The following NRXN3 variants were observed in gnomAD, a reference collection of about 807,000 sequenced individuals.
The protein encoded by NRXN3 is neurexin 3.
NRXN3 carries 32 observed loss-of-function variants against 137.6 expected under a neutral mutation model. The observed-to-expected ratio is 0.23, with a 90% confidence interval of 0.18 to 0.31. NRXN3 has a LOEUF of 0.31. Ranked by LOEUF, NRXN3 falls within the 10% of genes least tolerant of loss-of-function variation. The pLI is 1.00. For missense variants in NRXN3, 1,574 were observed against 2,062.5 expected, an observed-to-expected ratio of 0.76 and a Z score of 4.59; for synonymous variants, 798 against 784.5, an observed-to-expected ratio of 1.02 and a Z score of -0.29.
chr14:78,943,659 T>A lies in NRXN3; in HGVS notation c.2276-13583T>A, dbSNP rs1363402440. Among the ~76,000 whole-genome samples, 39 of 76,668 alleles carry A rather than the reference T, an allele frequency of 5.1e-4. 4 individuals carry two copies. The highest frequency in any genetic ancestry group is 2.1e-3 in the African/African-American group (31 of 14,630). 50.3% of individuals were successfully genotyped at this position (76,668 alleles called of 152,430 possible). The stretch of plus-strand genomic sequence containing the variant: ...ATATATATATATATATATATATATA[T>A]ATATATATATATATATATATCTCAA... On this transcript the variant is annotated intron_variant, in intron 10 of 20. Coordinates refer to ENST00000335750, the MANE Select transcript of NRXN3 (RefSeq NM_001330195.2).
intron 11 of NRXN3, among the ~76,000 whole-genome samples, chr14:78,965,231 C>T (rs2099415179): frequency 6.6e-6 from 1 of 152,016 alleles, no homozygotes; most frequent in African/African-American, 2.4e-5. Context: ...AAGGGTGGTC[C>T]CTAAATCAGC....
At chr14:78,269,608 T>C (rs562511195) in intron 2 of NRXN3, among the ~76,000 whole-genome samples, 5 of 152,286 alleles carry the variant, frequency 3.3e-5, no homozygotes, top group Non-Finnish European at 5.9e-5. Flanking sequence ...GTTATGTGTA[T>C]TTTATCACAA....
chr14:78,958,548 C>A (rs371881471), intron 11 of NRXN3, among the ~76,000 whole-genome samples: 2 of 151,794 alleles, frequency 1.3e-5, no homozygotes, highest in Non-Finnish European at 1.5e-5. Flanking sequence ...GTAGAGATGG[C>A]GTTTCACCGT....
chr14:79,091,987 AAAGTT>A (rs775531597), intron 15 of NRXN3, among the ~76,000 whole-genome samples: 24 of 152,322 alleles, frequency 1.6e-4, no homozygotes, highest in African/African-American at 2.9e-4. Context: ...AGAAAAAAAT[AAAGTT>A]ATTATTAAAA....
rs1194593979 is a variant in NRXN3 at position 79,719,235 on chromosome 14, G to A, written c.4014+21298G>A. Among the ~76,000 whole-genome samples, 8 of 147,656 alleles carry A rather than the reference G, an allele frequency of 5.4e-5. No homozygotes were observed. The South Asian group carries it at 6.5e-4, about 12-fold the overall frequency. On this transcript the variant is annotated intron_variant, in intron 19 of 20. Transcript: ENST00000335750. ...CCACTGGTGCCATTAATATCATCCCGTCATCATAGACATATATGTGTGTGT... is the reference window on the plus strand; with the variant it reads ...CCACTGGTGCCATTAATATCATCCCATCATCATAGACATATATGTGTGTGT...
chr14:79,254,524 T>C (rs2076330714), intron 15 of NRXN3, among the ~76,000 whole-genome samples: 1 of 152,176 alleles, frequency 6.6e-6, no homozygotes, highest in Non-Finnish European at 1.5e-5. Context: ...ATTGTATTTC[T>C]AGTTTCTTTC....
intron 4 of NRXN3, among the ~76,000 whole-genome samples, chr14:78,468,293 C>A (rs2095172871): frequency 6.6e-6 from 1 of 152,098 alleles, no homozygotes; most frequent in South Asian, 2.1e-4. Context: ...GCTGTACACA[C>A]CTGCTGATAT....
At chr14:79,579,115 G>T (rs2097691434) in intron 16 of NRXN3, among the ~76,000 whole-genome samples, 1 of 151,634 alleles carries the variant, frequency 6.6e-6, no homozygotes, top group African/African-American at 2.4e-5. Flanking sequence ...CCTGAAATTT[G>T]AACTTACCAA....
At chr14:79,327,628 G>T (rs969131231) in intron 15 of NRXN3, among the ~76,000 whole-genome samples, 3 of 152,132 alleles carry the variant, frequency 2.0e-5, no homozygotes, top group African/African-American at 7.2e-5. Flanking sequence ...GATATCATCT[G>T]TGTCCCATGA....
At chr14:78,652,580 C>T (rs2097755659) in intron 6 of NRXN3, among the ~76,000 whole-genome samples, 2 of 152,192 alleles carry the variant, frequency 1.3e-5, no homozygotes, top group Admixed American at 6.5e-5. Context: ...CTTGTGACAT[C>T]TTATGAGTCT....
intron 15 of NRXN3, among the ~76,000 whole-genome samples, chr14:79,063,724 A>C (rs1453838112): frequency 6.6e-6 from 1 of 152,200 alleles, no homozygotes; most frequent in Non-Finnish European, 1.5e-5. Flanking sequence ...AGAGAAAAAA[A>C]CCAGGAGCAA....
chr14:78,599,498 G>A (rs1052680518), intron 4 of NRXN3, among the ~76,000 whole-genome samples: 15 of 152,294 alleles, frequency 9.8e-5, no homozygotes, highest in African/African-American at 3.6e-4. Context: ...AAAAGTCAGC[G>A]TTACATAGAT....
chr14:79,599,601 CAATAAT>C (rs1017128852), intron 16 of NRXN3, among the ~76,000 whole-genome samples: 1 of 152,210 alleles, frequency 6.6e-6, no homozygotes, highest in Non-Finnish European at 1.5e-5. Flanking sequence ...TCAACAATAA[CAATAAT>C]AACAACAATA....
chr14:78,937,724 C>T (rs1269393423), intron 10 of NRXN3, among the ~76,000 whole-genome samples: 1 of 152,218 alleles, frequency 6.6e-6, no homozygotes, highest in East Asian at 1.9e-4. Context: ...ACACTGACTT[C>T]ACACAGTGGT....
chr14:79,267,846 T>C lies in NRXN3; in HGVS notation c.3263-199375T>C, dbSNP rs139959328. Reference sequence around the variant, plus strand: ...GTAATTGACGTAGACTGGTATGACATTGGGGACTGATGATATGGAATGTTA... The same window carrying C: ...GTAATTGACGTAGACTGGTATGACACTGGGGACTGATGATATGGAATGTTA... On this transcript the variant is annotated intron_variant, in intron 15 of 20. Coordinates refer to ENST00000335750, the MANE Select transcript of NRXN3 (RefSeq NM_001330195.2). 1.4e-3 allele frequency among the ~76,000 whole-genome samples: 219 copies of C among 152,316 alleles called. 2 individuals carry two copies. The highest frequency in any genetic ancestry group is 2.8e-3 in the Non-Finnish European group (190 of 68,016).
chr14:79,057,717 A>C (rs1383073352), intron 15 of NRXN3, among the ~76,000 whole-genome samples: 2 of 152,098 alleles, frequency 1.3e-5, no homozygotes, highest in African/African-American at 4.8e-5. Context: ...CTGAGAGGGC[A>C]CTCTAAGGGG....
intron 15 of NRXN3, among the ~76,000 whole-genome samples, chr14:79,359,319 T>C (rs1487658172): frequency 6.6e-6 from 1 of 152,140 alleles, no homozygotes; most frequent in African/African-American, 2.4e-5. Context: ...TTTAAGTAAC[T>C]GCCTTGCAAG....
At chr14:79,742,987 T>C (rs2098967818) in intron 19 of NRXN3, among the ~76,000 whole-genome samples, 1 of 152,072 alleles carries the variant, frequency 6.6e-6, no homozygotes, top group African/African-American at 2.4e-5. Flanking sequence ...CAGGCAAATA[T>C]TTATGGATAT....
At chr14:78,794,191 T>A (rs1008882904) in intron 8 of NRXN3, among the ~76,000 whole-genome samples, 8 of 151,956 alleles carry the variant, frequency 5.3e-5, no homozygotes, top group African/African-American at 1.9e-4. Context: ...GAGACCAGCC[T>A]GACCAACATG....
Sources: gnomAD v4.1 joint callset for allele counts (sites outside exome capture counted in the v4.1 genomes callset) on GRCh38, gnomAD v4.1.1 for gene constraint, MANE v1.5 for transcripts, NCBI Gene and HGNC (gene_info 2026-07-23, HGNC 2026-07-21) for gene names.